POU2F1: variants seen among roughly 807,000 people sequenced by gnomAD.
POU2F1 encodes POU domain, class 2, transcription factor 1.
POU2F1 carries 16 observed loss-of-function variants against 84.9 expected under a neutral mutation model. The ratio of observed to expected loss-of-function variants is 0.19; its 90% CI spans 0.13 to 0.29. The LOEUF (loss-of-function observed/expected upper bound fraction) is 0.29. POU2F1 is among the 10% of genes least tolerant of loss of function. The probability of loss-of-function intolerance (pLI) is 1.00; values close to 1 mark genes in which losing one functional copy is unlikely to be tolerated. For synonymous variants in POU2F1, 368 were observed against 368.3 expected, an observed-to-expected ratio of 1.00 and a Z score of 0.01; for missense variants, 738 against 942.6, an observed-to-expected ratio of 0.78 and a Z score of 2.84.
intron 2 of POU2F1, among the ~76,000 whole-genome samples, chr1:167,353,331 G>C (rs1170545052): frequency 6.8e-6 from 1 of 146,056 alleles, no homozygotes; most frequent in Admixed American, 6.8e-5. Context: ...ACATTTTTCT[G>C]TTTTTACCTA....
chr1:167,225,102 A>G (rs2102324008), intron 1 of POU2F1, among the ~76,000 whole-genome samples: 1 of 152,308 alleles, frequency 6.6e-6, no homozygotes, highest in South Asian at 2.1e-4. Flanking sequence ...GTGCTGGATT[A>G]CAGGCGTGAG....
chr1:167,371,804 A>G, intron 4 of POU2F1, 113 bp from the exon 5 acceptor site: 1 of 1,439,054 alleles, frequency 6.9e-7, no homozygotes, highest in South Asian at 1.2e-5. Flanking sequence ...GTAAACCAGA[A>G]CTCATGACTG....
intron 1 of POU2F1, among the ~76,000 whole-genome samples, chr1:167,321,433 G>T (rs1323175902): frequency 6.6e-6 from 1 of 152,204 alleles, no homozygotes; most frequent in Non-Finnish European, 1.5e-5. Context: ...CATAGCAGGA[G>T]AAGGCAATCC....
At chr1:167,237,499 A>AT (rs1177008390) in intron 1 of POU2F1, among the ~76,000 whole-genome samples, 2 of 151,570 alleles carry the variant, frequency 1.3e-5, no homozygotes, top group Non-Finnish European at 2.9e-5. Context: ...CCGGTATGTT[A>AT]TTTTTACCAT....
chr1:167,249,120 G>A (rs1429315620), intron 1 of POU2F1, among the ~76,000 whole-genome samples: 2 of 152,154 alleles, frequency 1.3e-5, no homozygotes, highest in Non-Finnish European at 2.9e-5. Flanking sequence ...AAAATCTGAA[G>A]CAGTGGATCC....
At chr1:167,300,824 G>A (rs1027430800) in intron 1 of POU2F1, among the ~76,000 whole-genome samples, 5 of 152,064 alleles carry the variant, frequency 3.3e-5, no homozygotes, top group African/African-American at 7.2e-5. Context: ...AGGCTGGAGT[G>A]CAGTGGAGTG....
intron 1 of POU2F1, among the ~76,000 whole-genome samples, chr1:167,324,478 T>C (rs1332505643): frequency 1.3e-5 from 2 of 152,346 alleles, no homozygotes; most frequent in Non-Finnish European, 2.9e-5. Flanking sequence ...GGTGAATGAA[T>C]GTGTATTTAT....
At chr1:167,221,624 C>T (rs1483664006) in intron 1 of POU2F1, among the ~76,000 whole-genome samples, 1 of 150,848 alleles carries the variant, frequency 6.6e-6, no homozygotes, top group Non-Finnish European at 1.5e-5. Context: ...GGGGAGAGCT[C>T]CCTGCCCGCG....
At chr1:167,362,789 C>T (rs943989589) in intron 2 of POU2F1, among the ~76,000 whole-genome samples, 1 of 152,128 alleles carries the variant, frequency 6.6e-6, no homozygotes, top group Admixed American at 6.5e-5. Context: ...GGGGTCGTCT[C>T]TAGTTGCCCA....
chr1:167,367,108 G>T (rs1176960987), intron 3 of POU2F1, among the ~76,000 whole-genome samples: 2 of 151,970 alleles, frequency 1.3e-5, no homozygotes, highest in Non-Finnish European at 2.9e-5. Flanking sequence ...GCAAACAAAA[G>T]AATTTTATTT....
At chr1:167,285,860 A>G (rs751500979) in intron 1 of POU2F1, among the ~76,000 whole-genome samples, 10 of 152,216 alleles carry the variant, frequency 6.6e-5, no homozygotes, top group Non-Finnish European at 5.9e-5. Context: ...AAGAAGTGGC[A>G]GTTGAGCTAG....
rs1476607162 is a variant in POU2F1, at chr1:167,415,516, C to T, written c.2007C>T (p.Gly669=). The T allele has an allele frequency of 6.2e-7, 1 of 1,614,022 alleles. No homozygotes were observed. Among genetic ancestry groups the T allele is most frequent in the South Asian group, 1.1e-5 (1 of 91,068 alleles). The change falls in exon 16 of 16, where the codon GGC becomes GGT. Residue 669 remains glycine (G), a synonymous_variant. Transcript: ENST00000367866. ...LATIQALASG[G]SLPITSLDAT... Reference sequence around the variant, plus strand: ...TGTCTGTAGCTCTTGCTTCTGGTGGCTCTCTTCCAATAACATCACTTGATG... The same window carrying T: ...TGTCTGTAGCTCTTGCTTCTGGTGGTTCTCTTCCAATAACATCACTTGATG...
intron 1 of POU2F1, among the ~76,000 whole-genome samples, chr1:167,236,809 T>C (rs934934029): frequency 3.3e-5 from 5 of 152,220 alleles, no homozygotes; most frequent in African/African-American, 1.2e-4. Context: ...GACAAAAATG[T>C]TTCTCTTAGC....
At chr1:167,275,085 C>T (rs1333227344) in intron 1 of POU2F1, among the ~76,000 whole-genome samples, 2 of 142,616 alleles carry the variant, frequency 1.4e-5, no homozygotes, top group Admixed American at 7.3e-5. Context: ...TTGGAGTGCA[C>T]GATCACAGCT....
intron 2 of POU2F1, among the ~76,000 whole-genome samples, chr1:167,360,935 TTTTATTTTA>T (rs1659316047): frequency 6.6e-6 from 1 of 151,890 alleles, no homozygotes; most frequent in African/African-American, 2.4e-5. Context: ...TCCTAGCTGG[TTTTATTTTA>T]TTTTATTTTA....
intron 1 of POU2F1, among the ~76,000 whole-genome samples, chr1:167,232,622 C>A (rs988259672): frequency 6.6e-6 from 1 of 152,130 alleles, no homozygotes; most frequent in Non-Finnish European, 1.5e-5. Context: ...GTGGGCAGAT[C>A]ACCTGAGGTC....
At chr1:167,260,121 G>T (rs571030363) in intron 1 of POU2F1, among the ~76,000 whole-genome samples, 1 of 152,016 alleles carries the variant, frequency 6.6e-6, no homozygotes, top group Admixed American at 6.5e-5. Flanking sequence ...CTCGTGATCC[G>T]CCCGCCTCAG....
intron 1 of POU2F1, among the ~76,000 whole-genome samples, chr1:167,239,570 A>G (rs1649752309): frequency 6.6e-6 from 1 of 152,178 alleles, no homozygotes; most frequent in African/African-American, 2.4e-5. Context: ...TCCCACCCCA[A>G]CCCTCACTTT....
At chr1:167,267,854 A>G (rs1652087060) in intron 1 of POU2F1, among the ~76,000 whole-genome samples, 1 of 151,912 alleles carries the variant, frequency 6.6e-6, no homozygotes, top group African/African-American at 2.4e-5. Flanking sequence ...GTTAGCCAGG[A>G]TGGTCTTGAT....
Sources: allele counts gnomAD v4.1 joint callset (sites outside exome capture counted in the v4.1 genomes callset), GRCh38; gene constraint gnomAD v4.1.1; transcripts MANE v1.5; gene names NCBI Gene and HGNC (gene_info 2026-07-23, HGNC 2026-07-21).